CCDC8: variants seen among roughly 807,000 people sequenced by gnomAD.
CCDC8 encodes the protein coiled-coil domain containing 8 subunit of 3M complex.
CCDC8 carries 6 observed loss-of-function variants against 5.2 expected under a neutral mutation model. The ratio of observed to expected loss-of-function variants is 1.16; its 90% CI spans 0.63 to 2.28. The LOEUF (loss-of-function observed/expected upper bound fraction) is 2.28. CCDC8 is among the 30% of genes most tolerant of loss of function. The probability of loss-of-function intolerance (pLI) is 0.00; values close to 1 mark genes in which losing one functional copy is unlikely to be tolerated. For synonymous variants in CCDC8, 310 were observed against 286.5 expected, an observed-to-expected ratio of 1.08 and a Z score of -0.83; for missense variants, 724 against 712.2, an observed-to-expected ratio of 1.02 and a Z score of -0.19.
At position 46,410,937 on chromosome 19, in the gene CCDC8, A is replaced by G; in HGVS notation, c.*257T>C. ...TTTGGGAGGCCGAGGCAGGAGGATC[A>G]CTTGAGGCCAGAAGTTTGAGGCTGC... is the stretch of plus-strand genomic sequence containing the variant. On this transcript the variant is annotated 3_prime_UTR_variant, in exon 1 of 1. Transcript: ENST00000307522. 2.2e-6 allele frequency: 1 copy of G among 463,724 alleles called. No individual in the cohort carries two copies. The highest frequency in any genetic ancestry group is 3.9e-6 in the Non-Finnish European group (1 of 258,988). The allele number at this position is 463,724 out of a possible 1,614,324, so 28.7% of individuals were successfully genotyped here. A position where few individuals can be genotyped will look rare whatever the true frequency, so the allele number is the denominator to read the frequency against.
Position 46,411,161 on chromosome 19 carries a change from G to T in CCDC8, c.*33C>A. 2 of 1,613,014 alleles carry T rather than the reference G, an allele frequency of 1.2e-6. No individual in the cohort carries two copies. Among genetic ancestry groups the T allele is most frequent in the Non-Finnish European group, 8.5e-7 (1 of 1,179,860 alleles). The stretch of plus-strand genomic sequence containing the variant: ...AGCATCTCTCCCTCCCACACTTGGA[G>T]GGAGGGCCCGTGGGCTGTCTCTAGC... On this transcript the variant is annotated 3_prime_UTR_variant, in exon 1 of 1. Coordinates refer to ENST00000307522, the MANE Select transcript of CCDC8 (RefSeq NM_032040.5).
rs1322541670 is a variant in CCDC8, at chr19:46,412,309, G to A, written c.502C>T (p.Pro168Ser). The change falls in exon 1 of 1, where the codon CCT becomes TCT. Residue 168 changes from proline (P) to serine (S), a missense_variant. Physicochemically the swap from Pro to Ser is moderately conservative, Grantham distance 74. Transcript: ENST00000307522. This position sits in a 1 kb window ranked among gnomAD's most constrained non-coding sequence, Gnocchi z 4.7. ...RRQEKQPSAP[P>S]ARRRVNLPVP... ...GGCAGGTTGACGCGGCGGCGGGCAG[G>A]CGGCGCGCTGGGCTGCTTCTCCTGT... 1.2e-6 allele frequency: 2 copies of A among 1,609,914 alleles called. No homozygotes were observed. The highest frequency in any genetic ancestry group is 1.1e-5 in the South Asian group (1 of 91,076).
At position 46,411,221 on chromosome 19, in the gene CCDC8, C is replaced by G; in HGVS notation, c.1590G>C (p.Glu530Asp). 6.2e-7 allele frequency: 1 copy of G among 1,614,162 alleles called. No individual in the cohort carries two copies. Among genetic ancestry groups the G allele is most frequent in the Non-Finnish European group, 8.5e-7 (1 of 1,180,036 alleles). ...ACAGCTGGTCTTCTTGCTCTCCCTGCTCAGCTTCTGCTCTGGCCTCGGCCC... is the reference window on the plus strand; with the variant it reads ...ACAGCTGGTCTTCTTGCTCTCCCTGGTCAGCTTCTGCTCTGGCCTCGGCCC... ...VLRAEARAEAEQGEQEDQL is the reference protein window; with the variant it reads ...VLRAEARAEADQGEQEDQL The change falls in exon 1 of 1, where the codon GAG (glutamate) becomes GAC (aspartate). Residue 530 changes from glutamate to aspartate, a missense_variant. Coordinates refer to ENST00000307522, the MANE Select transcript of CCDC8 (RefSeq NM_032040.5).
In CCDC8 at chr19:46,411,061, T is replaced by C; in HGVS notation, c.*133A>G. ...AAAAATCAAAGCATGAACAAAACTT[T>C]AACAAGAGAATAAAGAGGGTTGTTA... On this transcript the variant is annotated 3_prime_UTR_variant, in exon 1 of 1. Coordinates refer to ENST00000307522, the MANE Select transcript of CCDC8 (RefSeq NM_032040.5). 1 of 1,137,314 alleles carries C rather than the reference T, an allele frequency of 8.8e-7. No individual in the cohort carries two copies. Among genetic ancestry groups the C allele is most frequent in the South Asian group, 1.4e-5 (1 of 69,282 alleles). The allele number at this position is 1,137,314 out of a possible 1,614,324, so 70.5% of individuals were successfully genotyped here.
Position 46,411,561 on chromosome 19 carries a change from T to C in CCDC8, c.1250A>G (p.Glu417Gly). The C allele has an allele frequency of 6.2e-7, 1 of 1,611,838 alleles. No individual in the cohort carries two copies. Among genetic ancestry groups the C allele is most frequent in the Admixed American group, 1.7e-5 (1 of 59,846 alleles). ...TGCACCCTGGACAGCTGGGGCCCTT[T>C]CCCTCTGGTCATGTACGGCCTCTTC... is the stretch of plus-strand genomic sequence containing the variant. ...QREEAVHDQR[E>G]RAPAVQGADN... Residue 417 changes from glutamate to glycine, a missense_variant, in exon 1 of 1, where the codon GAA becomes GGA. Physicochemically the swap from Glu to Gly is moderately conservative, Grantham distance 98. Coordinates refer to ENST00000307522, the MANE Select transcript of CCDC8 (RefSeq NM_032040.5).
In CCDC8 at chr19:46,413,324, G is replaced by A. The variant is rs1973257200; in HGVS notation, c.-514C>T. 1 of 170,408 alleles carries A rather than the reference G, an allele frequency of 5.9e-6. No individual in the cohort carries two copies. Among genetic ancestry groups the A allele is most frequent in the African/African-American group, 2.4e-5 (1 of 41,510 alleles). 10.6% of individuals were successfully genotyped at this position (170,408 alleles called of 1,614,324 possible). On this transcript the variant is annotated 5_prime_UTR_variant, in exon 1 of 1. Coordinates refer to ENST00000307522, the MANE Select transcript of CCDC8 (RefSeq NM_032040.5). ...TGGAAACGTGGTGTCCCAGCTCCAA[G>A]TTGGGGCGCGCGGGCTGCCAGCGAC... is the stretch of plus-strand genomic sequence containing the variant.
In CCDC8 at chr19:46,411,618, T is replaced by C. The variant is rs746399510; in HGVS notation, c.1193A>G (p.Asp398Gly). Residue 398 changes from aspartate to glycine, a missense_variant, in exon 1 of 1, where the codon GAC becomes GGC. Physicochemically the swap from Asp to Gly is moderately conservative, Grantham distance 94. Coordinates refer to ENST00000307522, the MANE Select transcript of CCDC8 (RefSeq NM_032040.5). ...ATTATCTGTAACCTCTGACCCCTGG[T>C]CAGCTGGGGCCTCCGCCCTCTGATT... ...ADNQRAEAPA[D>G]QGSEVTDNQR... 3 of 1,612,996 alleles carry C rather than the reference T, an allele frequency of 1.9e-6. No individual in the cohort carries two copies. Among genetic ancestry groups the C allele is most frequent in the Non-Finnish European group, 8.5e-7 (1 of 1,179,418 alleles).
chr19:46,412,460 G>A lies in CCDC8; in HGVS notation c.351C>T (p.Ser117=). 3 of 1,610,910 alleles carry A rather than the reference G, an allele frequency of 1.9e-6. No individual in the cohort carries two copies. The highest frequency in any genetic ancestry group is 1.7e-5 in the Admixed American group (1 of 60,018). Residue 117 remains serine (S), a synonymous_variant, in exon 1 of 1, where the codon AGC becomes AGT. Coordinates refer to ENST00000307522, the MANE Select transcript of CCDC8 (RefSeq NM_032040.5). The surrounding 1 kb of genome is among the most constrained non-coding windows in gnomAD (Gnocchi z 4.7). ...FSDFETSRDK[S]RQGPRRGKKV... ...TCTTGCCCCGCCGCGGGCCCTGGCGGCTCTTGTCTCTGGAGGTCTCGAAGT... is the reference window on the plus strand; with the variant it reads ...TCTTGCCCCGCCGCGGGCCCTGGCGACTCTTGTCTCTGGAGGTCTCGAAGT...
chr19:46,411,528 T>C lies in CCDC8; in HGVS notation c.1283A>G (p.Gln428Arg). Residue 428 changes from glutamine to arginine, a missense_variant, in exon 1 of 1, where the codon CAG (glutamine) becomes CGG (arginine). By Grantham distance (43) the Gln-to-Arg change is conservative (BLOSUM62 1). Transcript: ENST00000307522. The part of the protein sequence containing the change: ...RAPAVQGADN[Q>R]RAQARAGQRA... ...CTGGCCAGCCCGGGCCTGTGCCCTC[T>C]GATTATCTGCACCCTGGACAGCTGG... 1.2e-6 allele frequency: 2 copies of C among 1,613,964 alleles called. No individual in the cohort carries two copies. The highest frequency in any genetic ancestry group is 1.7e-6 in the Non-Finnish European group (2 of 1,179,948).
chr19:46,413,150 AGCCAAAC>A lies in CCDC8; in HGVS notation c.-347_-341del, dbSNP rs1280477339. 2 of 395,794 alleles carry A rather than the reference AGCCAAAC, an allele frequency of 5.1e-6. No homozygotes were observed. Among genetic ancestry groups the A allele is most frequent in the African/African-American group, 4.1e-5 (2 of 48,824 alleles). The allele number at this position is 395,794 out of a possible 1,614,324, so 24.5% of individuals were successfully genotyped here. A position where few individuals can be genotyped will look rare whatever the true frequency, so the allele number is the denominator to read the frequency against. On this transcript the variant is annotated 5_prime_UTR_variant, in exon 1 of 1. Transcript: ENST00000307522. ...AGTCTCACCTCCCTAGCCAGGGACG[AGCCAAAC>A]GCCTCCAATCTCTTCGCCTGCAACA...
Position 46,410,752 on chromosome 19 carries a change from G to A in CCDC8, c.*442C>T, listed in dbSNP as rs1973217577. 1 of 157,384 alleles carries A rather than the reference G, an allele frequency of 6.4e-6. No homozygotes were observed. Among genetic ancestry groups the A allele is most frequent in the Non-Finnish European group, 1.4e-5 (1 of 71,250 alleles). The allele number at this position is 157,384 out of a possible 1,614,324, so 9.7% of individuals were successfully genotyped here. A position where few individuals can be genotyped will look rare whatever the true frequency, so the allele number is the denominator to read the frequency against. ...CCTCCCTCTCTCCCTTTATCAAGCT[G>A]AGCACCTTGAGTTGCATTTGAGGAA... On this transcript the variant is annotated 3_prime_UTR_variant, in exon 1 of 1. Coordinates refer to ENST00000307522, the MANE Select transcript of CCDC8 (RefSeq NM_032040.5).
In CCDC8 at chr19:46,413,287, C is replaced by A. The variant is rs1431127845; in HGVS notation, c.-477G>T. The A allele has an allele frequency of 5.7e-6, 1 of 176,056 alleles. No individual in the cohort carries two copies. Among genetic ancestry groups the A allele is most frequent in the East Asian group, 1.8e-4 (1 of 5,704 alleles). The allele number at this position is 176,056 out of a possible 1,614,324, so 10.9% of individuals were successfully genotyped here. A position where few individuals can be genotyped will look rare whatever the true frequency, so the allele number is the denominator to read the frequency against. On this transcript the variant is annotated 5_prime_UTR_variant, in exon 1 of 1. Coordinates refer to ENST00000307522, the MANE Select transcript of CCDC8 (RefSeq NM_032040.5). ...GCGAGGTCAGTCCCAAGGCTCAAGGCCCACTCCAAGCTGGAAACGTGGTGT... is the reference window on the plus strand; with the variant it reads ...GCGAGGTCAGTCCCAAGGCTCAAGGACCACTCCAAGCTGGAAACGTGGTGT...
Position 46,411,075 on chromosome 19 carries a change from A to T in CCDC8, c.*119T>A. ...GAACAAAACTTTAACAAGAGAATAA[A>T]GAGGGTTGTTAGGTGGAGACGTGGC... On this transcript the variant is annotated 3_prime_UTR_variant, in exon 1 of 1. Coordinates refer to ENST00000307522, the MANE Select transcript of CCDC8 (RefSeq NM_032040.5). The T allele has an allele frequency of 8.3e-7, 1 of 1,209,114 alleles. No individual in the cohort carries two copies. Among genetic ancestry groups the T allele is most frequent in the Non-Finnish European group, 1.2e-6 (1 of 850,648 alleles). 74.9% of individuals were successfully genotyped at this position (1,209,114 alleles called of 1,614,324 possible).
In CCDC8 at chr19:46,411,202, G is replaced by A. The variant is rs144181069; in HGVS notation, c.1609C>T (p.Gln537Ter). Residue 537 changes from glutamine to a stop codon, truncating the protein, a stop_gained, in exon 1 of 1, where the codon CAG becomes TAG. Transcript: ENST00000307522. LOFTEE classifies it high-confidence loss of function. The part of the protein sequence containing the change: ...AEAEQGEQED[Q>*]L ...TGTCTCTAGCCCTCACCTCACAGCTGGTCTTCTTGCTCTCCCTGCTCAGCT... is the reference window on the plus strand; with the variant it reads ...TGTCTCTAGCCCTCACCTCACAGCTAGTCTTCTTGCTCTCCCTGCTCAGCT... The A allele has an allele frequency of 1.3e-4, 206 of 1,613,920 alleles. No homozygotes were observed. Among genetic ancestry groups the A allele is most frequent in the Non-Finnish European group, 1.6e-4 (193 of 1,180,024 alleles).
rs1276476457 is a variant in CCDC8 at position 46,413,097 on chromosome 19, G to C, written c.-287C>G. On this transcript the variant is annotated 5_prime_UTR_variant, in exon 1 of 1. Transcript: ENST00000307522. Reference sequence around the variant, plus strand: ...TTAGTCTTGAGGGAGGGACTGGATGGGGGGAGTTCCAGCAACGCTGACCGG... The same window carrying C: ...TTAGTCTTGAGGGAGGGACTGGATGCGGGGAGTTCCAGCAACGCTGACCGG... The C allele has an allele frequency of 1.9e-6, 1 of 514,432 alleles. No homozygotes were observed. The highest frequency in any genetic ancestry group is 2.3e-5 in the South Asian group (1 of 43,442). 31.9% of individuals were successfully genotyped at this position (514,432 alleles called of 1,614,324 possible).
At position 46,411,949 on chromosome 19, in the gene CCDC8, CCT is replaced by C. The variant is rs1568589471; in HGVS notation, c.860_861del (p.Gln287ArgfsTer7). 3.7e-6 allele frequency: 6 copies of C among 1,610,984 alleles called. No individual in the cohort carries two copies. Among genetic ancestry groups the C allele is most frequent in the African/African-American group, 1.3e-5 (1 of 75,022 alleles). On this transcript the variant is annotated frameshift_variant, in exon 1 of 1. Coordinates refer to ENST00000307522, the MANE Select transcript of CCDC8 (RefSeq NM_032040.5). LOFTEE classifies it low-confidence loss of function (END_TRUNC). ...CCCTGATCAGCCTCGATGTCTGCCCCCTGACCTGTGGGTGCTGTCTGCTCCTT... is the reference window on the plus strand; with the variant it reads ...CCCTGATCAGCCTCGATGTCTGCCCCGACCTGTGGGTGCTGTCTGCTCCTT... ...RRKEQTAPTG[Q>X]GADIEADQGG...
In CCDC8 at chr19:46,413,056, C is replaced by G; in HGVS notation, c.-246G>C. The stretch of plus-strand genomic sequence containing the variant: ...GGGGTGAGGGGGCAATGAGCCCCAA[C>G]AAACTACTGTAGCCCTTAGTCTTGA... On this transcript the variant is annotated 5_prime_UTR_variant, in exon 1 of 1. Coordinates refer to ENST00000307522, the MANE Select transcript of CCDC8 (RefSeq NM_032040.5). 1.7e-6 allele frequency: 1 copy of G among 597,470 alleles called. No individual in the cohort carries two copies. The highest frequency in any genetic ancestry group is 3.1e-6 in the Non-Finnish European group (1 of 325,782). 37.0% of individuals were successfully genotyped at this position (597,470 alleles called of 1,614,324 possible).
Position 46,412,444 on chromosome 19 carries a change from G to T in CCDC8, c.367C>A (p.Arg123=). The T allele has an allele frequency of 1.2e-6, 2 of 1,611,960 alleles. No homozygotes were observed. The highest frequency in any genetic ancestry group is 2.2e-5 in the East Asian group (1 of 44,864). The part of the protein sequence containing the change: ...SRDKSRQGPR[R]GKKVRKMPVS... ...GGCATTTTGCGCACCTTCTTGCCCCGCCGCGGGCCCTGGCGGCTCTTGTCT... is the reference window on the plus strand; with the variant it reads ...GGCATTTTGCGCACCTTCTTGCCCCTCCGCGGGCCCTGGCGGCTCTTGTCT... Residue 123 remains arginine (R), a synonymous_variant, in exon 1 of 1, where the codon CGG becomes AGG. Transcript: ENST00000307522. This position sits in a 1 kb window ranked among gnomAD's most constrained non-coding sequence, Gnocchi z 4.7.
chr19:46,412,309 G>T lies in CCDC8; in HGVS notation c.502C>A (p.Pro168Thr). ...RRQEKQPSAP[P>T]ARRRVNLPVP... ...GGCAGGTTGACGCGGCGGCGGGCAGGCGGCGCGCTGGGCTGCTTCTCCTGT... is the reference window on the plus strand; with the variant it reads ...GGCAGGTTGACGCGGCGGCGGGCAGTCGGCGCGCTGGGCTGCTTCTCCTGT... Residue 168 changes from proline (P) to threonine (T), a missense_variant, in exon 1 of 1, where the codon CCT becomes ACT. Coordinates refer to ENST00000307522, the MANE Select transcript of CCDC8 (RefSeq NM_032040.5). The surrounding 1 kb of genome is among the most constrained non-coding windows in gnomAD (Gnocchi z 4.7). 1 of 1,609,914 alleles carries T rather than the reference G, an allele frequency of 6.2e-7. No homozygotes were observed.
Sources: gnomAD v4.1 joint callset for allele counts on GRCh38, gnomAD v4.1.1 for gene constraint, Gnocchi (gnomAD v3.1) non-coding constraint, MANE v1.5 for transcripts, NCBI Gene and HGNC (gene_info 2026-07-23, HGNC 2026-07-21) for gene names.